FAM107B: variants seen among roughly 807,000 people sequenced by gnomAD.
FAM107B encodes family with sequence similarity 107 member B.
Under a neutral mutation model 31.5 loss-of-function variants are expected in FAM107B, and 21 were observed. The observed-to-expected ratio is 0.67, with a 90% CI of 0.47 to 0.96. The LOEUF is 0.96. Among genes scored for constraint, FAM107B ranks in the 40% least tolerant of loss-of-function variants. FAM107B has a pLI of 0.00. For missense variants in FAM107B, 452 were observed against 377.1 expected, an observed-to-expected ratio of 1.20 and a Z score of -1.64; for synonymous variants, 157 against 141.5, an observed-to-expected ratio of 1.11 and a Z score of -0.78.
Position 14,712,705 on chromosome 10 carries a change from C to G in FAM107B, c.412-45014G>C, listed in dbSNP as rs1464094940. 2.0e-4 allele frequency among the ~76,000 whole-genome samples: 31 copies of G among 151,946 alleles called. 1 individual carries two copies. The highest frequency in any genetic ancestry group is 2.0e-3 in the Admixed American group (31 of 15,268). ...TTCTAAGCCTTAATGAGTTACAAACCATTGCTGGGAAGAGGTTTTAAAAAA... is the reference window on the plus strand; with the variant it reads ...TTCTAAGCCTTAATGAGTTACAAACGATTGCTGGGAAGAGGTTTTAAAAAA... On this transcript the variant is annotated intron_variant, in intron 1 of 4. Transcript: ENST00000181796.
intron 2 of FAM107B, among the ~76,000 whole-genome samples, chr10:14,539,048 A>C (rs1380848274): frequency 6.6e-6 from 1 of 152,262 alleles, no homozygotes; most frequent in African/African-American, 2.4e-5. Flanking sequence ...TGCTCAACAA[A>C]GTAGGCAAAC....
chr10:14,547,422 C>T (rs1848800991), intron 2 of FAM107B, among the ~76,000 whole-genome samples: 1 of 152,138 alleles, frequency 6.6e-6, no homozygotes, highest in Non-Finnish European at 1.5e-5. Flanking sequence ...AATTGTGGGT[C>T]AAACAGGTTT....
intron 2 of FAM107B, among the ~76,000 whole-genome samples, chr10:14,561,886 G>A (rs1250384980): frequency 6.6e-6 from 1 of 152,200 alleles, no homozygotes; most frequent in East Asian, 1.9e-4. Context: ...CAGGGTTCAA[G>A]GGATTCTCCT....
chr10:14,664,607 G>A (rs1244948079), intron 2 of FAM107B, among the ~76,000 whole-genome samples: 1 of 152,108 alleles, frequency 6.6e-6, no homozygotes, highest in East Asian at 1.9e-4. Flanking sequence ...ACATCATATA[G>A]CCTCAGTGTG....
intron 2 of FAM107B, among the ~76,000 whole-genome samples, chr10:14,645,529 A>G (rs1308529594): frequency 6.6e-6 from 1 of 152,302 alleles, no homozygotes; most frequent in South Asian, 2.1e-4. Context: ...TTTCTGGTTC[A>G]CTGTGACTGT....
intron 2 of FAM107B, among the ~76,000 whole-genome samples, chr10:14,550,943 T>C (rs1320679728): frequency 6.6e-6 from 1 of 152,178 alleles, no homozygotes; most frequent in African/African-American, 2.4e-5. Flanking sequence ...TGTAAAATAA[T>C]TATGTAACAA....
intron 1 of FAM107B, among the ~76,000 whole-genome samples, chr10:14,718,688 T>C (rs1855839959): frequency 6.6e-6 from 1 of 152,146 alleles, no homozygotes; most frequent in South Asian, 2.1e-4. Context: ...CCAAATCTAA[T>C]TGGTTTTCTC....
At chr10:14,562,320 A>C (rs1850313676) in intron 2 of FAM107B, among the ~76,000 whole-genome samples, 1 of 152,192 alleles carries the variant, frequency 6.6e-6, no homozygotes, top group South Asian at 2.1e-4. Flanking sequence ...CACCTTCCTA[A>C]ACAGTCTTGG....
chr10:14,568,279 A>G (rs941460000), intron 2 of FAM107B, among the ~76,000 whole-genome samples: 1 of 150,676 alleles, frequency 6.6e-6, no homozygotes, highest in South Asian at 2.1e-4. Context: ...CAAGGGAGCC[A>G]AGGCAGCACT....
intron 2 of FAM107B, among the ~76,000 whole-genome samples, chr10:14,666,836 G>C (rs1384442365): frequency 1.3e-5 from 2 of 152,156 alleles, no homozygotes; most frequent in Non-Finnish European, 2.9e-5. Context: ...ATCTATACCA[G>C]AGTAGGGTGC....
intron 2 of FAM107B, among the ~76,000 whole-genome samples, chr10:14,645,229 T>C (rs1201261022): frequency 6.6e-6 from 1 of 152,212 alleles, no homozygotes; most frequent in Non-Finnish European, 1.5e-5. Flanking sequence ...CTGACTGTCC[T>C]TTCTGCCCAA....
intron 2 of FAM107B, among the ~76,000 whole-genome samples, chr10:14,651,407 G>C (rs1853894883): frequency 6.6e-6 from 1 of 152,078 alleles, no homozygotes; most frequent in South Asian, 2.1e-4. Context: ...GGAGTTCGAG[G>C]CCAGCCTGAC....
chr10:14,542,894 TAC>T (rs1202973871), intron 2 of FAM107B, among the ~76,000 whole-genome samples: 2 of 152,246 alleles, frequency 1.3e-5, no homozygotes, highest in East Asian at 3.8e-4. Flanking sequence ...GATATATTAG[TAC>T]ACTGGCTTGC....
intron 1 of FAM107B, among the ~76,000 whole-genome samples, chr10:14,726,993 G>A (rs1336133600): frequency 6.6e-6 from 1 of 151,808 alleles, no homozygotes; most frequent in African/African-American, 2.4e-5. Context: ...GTCCCATTTG[G>A]GGGTGATGGG....
intron 2 of FAM107B, among the ~76,000 whole-genome samples, chr10:14,636,440 A>G (rs1853503068): frequency 1.3e-5 from 2 of 152,198 alleles, no homozygotes; most frequent in South Asian, 4.1e-4. Flanking sequence ...TATATGAACT[A>G]TTTAATAACT....
At chr10:14,745,925 T>C (rs1350794732) in intron 1 of FAM107B, among the ~76,000 whole-genome samples, 3 of 152,228 alleles carry the variant, frequency 2.0e-5, no homozygotes, top group Non-Finnish European at 4.4e-5. Flanking sequence ...TATTATTGCG[T>C]AGGAGTCTAA....
Position 14,759,751 on chromosome 10 carries a change from G to C in FAM107B, c.411+14502C>G, listed in dbSNP as rs575730627. Among the ~76,000 whole-genome samples the C allele has an allele frequency of 2.0e-5, 3 of 151,230 alleles. No homozygotes were observed. The East Asian group carries it at 5.8e-4, about 29-fold the overall frequency. ...TTTTAGATGGAGTCTCACCTCTGCT[G>C]TGCAGGTTGGAGTGCAGTAGTGCGA... On this transcript the variant is annotated intron_variant, in intron 1 of 4. Coordinates refer to ENST00000181796, the MANE Select transcript of FAM107B (RefSeq NM_031453.4).
intron 2 of FAM107B, among the ~76,000 whole-genome samples, chr10:14,627,430 A>G (rs1182416609): frequency 6.6e-6 from 1 of 152,228 alleles, no homozygotes; most frequent in Non-Finnish European, 1.5e-5. Flanking sequence ...TCATGCAAAT[A>G]TCTGTTAAAA....
At chr10:14,651,457 G>A (rs907897859) in intron 2 of FAM107B, among the ~76,000 whole-genome samples, 41 of 152,036 alleles carry the variant, frequency 2.7e-4, no homozygotes, top group African/African-American at 9.7e-4. Flanking sequence ...AATACAAAAT[G>A]AGCCAGGCGT....
Sources: allele counts gnomAD v4.1 joint callset (sites outside exome capture counted in the v4.1 genomes callset), GRCh38; gene constraint gnomAD v4.1.1; transcripts MANE v1.5; gene names NCBI Gene and HGNC (gene_info 2026-07-23, HGNC 2026-07-21).